SPIDR: variants seen among roughly 807,000 people sequenced by gnomAD.
SPIDR encodes the protein scaffold protein involved in DNA repair, also known as DNA repair-scaffolding protein.
A neutral mutation model predicts 104.6 loss-of-function variants in SPIDR; 93 were observed. The ratio of observed to expected loss-of-function variants is 0.89; its 90% CI spans 0.75 to 1.06. SPIDR has a LOEUF of 1.06. SPIDR is among the 50% of genes least tolerant of loss of function. The pLI is 0.00. For missense variants in SPIDR, 1,154 were observed against 1,111.2 expected (o/e 1.04, Z -0.55); for synonymous variants, 431 against 416.9 (o/e 1.03, Z -0.41).
intron 18 of SPIDR, 74 bp downstream of exon 18, chr8:47,729,121 A>G: frequency 6.4e-7 from 1 of 1,574,394 alleles, no homozygotes; most frequent in South Asian, 1.1e-5. Flanking sequence ...GAGCTGAAGC[A>G]GGTGCACGTC....
intron 8 of SPIDR, among the ~76,000 whole-genome samples, chr8:47,497,545 T>C (rs1187266539): frequency 6.6e-6 from 1 of 152,214 alleles, no homozygotes; most frequent in African/African-American, 2.4e-5. Flanking sequence ...TCAAATTTCA[T>C]TTCGCCGTGG....
chr8:47,660,742 G>GTA (rs1173028230), intron 10 of SPIDR, among the ~76,000 whole-genome samples: 1 of 152,172 alleles, frequency 6.6e-6, no homozygotes, highest in African/African-American at 2.4e-5. Context: ...ATGTGAAATG[G>GTA]TATACCCTGT....
At chr8:47,548,539 T>G (rs2089879663) in intron 8 of SPIDR, among the ~76,000 whole-genome samples, 1 of 152,118 alleles carries the variant, frequency 6.6e-6, no homozygotes, top group African/African-American at 2.4e-5. Flanking sequence ...TCCCAGCTAC[T>G]CGGGAGGCTG....
intron 17 of SPIDR, chr8:47,728,677 G>T (rs1172292319): frequency 2.9e-6 from 1 of 347,848 alleles, no homozygotes; most frequent in Non-Finnish European, 5.2e-6. Flanking sequence ...TCCCTTCCTG[G>T]GAGGCTCAGC....
Position 47,735,616 on chromosome 8 carries a change from A to G in SPIDR, c.*166A>G, listed in dbSNP as rs1173791212. 2.2e-6 allele frequency: 3 copies of G among 1,344,218 alleles called. No individual in the cohort carries two copies. The East Asian group carries it at 7.6e-5, about 34-fold the overall frequency. 83.3% of individuals were successfully genotyped at this position (1,344,218 alleles called of 1,614,324 possible). A position where few individuals can be genotyped will look rare whatever the true frequency, so the allele number is the denominator to read the frequency against. On this transcript the variant is annotated 3_prime_UTR_variant, in exon 20 of 20. Coordinates refer to ENST00000297423, the MANE Select transcript of SPIDR (RefSeq NM_001080394.4). ...GAAATGTTCAGATACAGTTTTGTGA[A>G]CTGTAAATCAAAATACCTTTTTCTA...
intron 8 of SPIDR, among the ~76,000 whole-genome samples, chr8:47,503,342 T>G (rs1240352509): frequency 6.6e-6 from 1 of 152,184 alleles, no homozygotes; most frequent in Non-Finnish European, 1.5e-5. Context: ...GCATATATAT[T>G]TAGGATAGTT....
chr8:47,314,983 G>A (rs182050579), intron 5 of SPIDR, among the ~76,000 whole-genome samples: 1 of 152,178 alleles, frequency 6.6e-6, no homozygotes, highest in Non-Finnish European at 1.5e-5. Flanking sequence ...ATAAGATGGA[G>A]TTGTTATATT....
intron 7 of SPIDR, among the ~76,000 whole-genome samples, chr8:47,423,296 CAAAAAA>C (rs34511552): frequency 7.7e-6 from 1 of 129,128 alleles, no homozygotes; most frequent in South Asian, 2.5e-4. Flanking sequence ...GACTCTGTCT[CAAAAAA>C]AAAAAAAAAA....
chr8:47,732,644 G>A (rs192252310), intron 19 of SPIDR: 1 of 159,956 alleles, frequency 6.3e-6, no homozygotes, highest in Non-Finnish European at 1.4e-5. Context: ...GTGCCAGAGG[G>A]GCCTGGGTAG....
At chr8:47,435,430 C>T (rs2068115908) in intron 7 of SPIDR, among the ~76,000 whole-genome samples, 1 of 152,034 alleles carries the variant, frequency 6.6e-6, no homozygotes, top group Non-Finnish European at 1.5e-5. Context: ...TGCAGTTATT[C>T]AGCAAATGTT....
chr8:47,677,023 C>T (rs1222497393), intron 11 of SPIDR, among the ~76,000 whole-genome samples: 1 of 152,240 alleles, frequency 6.6e-6, no homozygotes, highest in African/African-American at 2.4e-5. Flanking sequence ...GCCTGAGCTT[C>T]GGTTTAAAAA....
chr8:47,619,607 T>C (rs2154434294), intron 10 of SPIDR, among the ~76,000 whole-genome samples: 1 of 146,018 alleles, frequency 6.8e-6, no homozygotes, highest in African/African-American at 2.4e-5. Flanking sequence ...TATGCATATA[T>C]GTATATTACC....
intron 6 of SPIDR, among the ~76,000 whole-genome samples, chr8:47,397,071 C>T (rs1482375053): frequency 2.0e-5 from 3 of 152,028 alleles, no homozygotes; most frequent in Admixed American, 6.5e-5. Context: ...CAGTCAGGGG[C>T]TGGGCTGTGG....
At position 47,601,639 on chromosome 8, in the gene SPIDR, G is replaced by A. The variant is rs138588933; in HGVS notation, c.1544+2443G>A. On this transcript the variant is annotated intron_variant, in intron 10 of 19. Transcript: ENST00000297423. ...AACAGGGAGGCGGAGGTTGCAGTGA[G>A]CCAAGATCGTGCCACTGCACTCCAG... is the stretch of plus-strand genomic sequence containing the variant. Among the ~76,000 whole-genome samples, 251 of 152,308 alleles carry A rather than the reference G, an allele frequency of 1.6e-3. 1 individual carries two copies. The highest frequency in any genetic ancestry group is 5.7e-3 in the African/African-American group (237 of 41,570).
chr8:47,349,710 G>A (rs1401762472), intron 5 of SPIDR, among the ~76,000 whole-genome samples: 2 of 152,188 alleles, frequency 1.3e-5, no homozygotes, highest in African/African-American at 4.8e-5. Context: ...CTGCCACCTC[G>A]CAGTTCTATC....
chr8:47,507,048 C>G (rs1052624067), intron 8 of SPIDR, among the ~76,000 whole-genome samples: 4 of 152,164 alleles, frequency 2.6e-5, no homozygotes, highest in African/African-American at 7.2e-5. Flanking sequence ...TTTATCATGT[C>G]CACCTGGTTT....
chr8:47,620,148 A>G (rs1224609077), intron 10 of SPIDR, among the ~76,000 whole-genome samples: 1 of 152,242 alleles, frequency 6.6e-6, no homozygotes, highest in Non-Finnish European at 1.5e-5. Context: ...GGAGTAGTCA[A>G]GGAAGACATT....
At chr8:47,470,985 T>C (rs80044982) in intron 8 of SPIDR, among the ~76,000 whole-genome samples, 4 of 152,106 alleles carry the variant, frequency 2.6e-5, no homozygotes, top group African/African-American at 4.8e-5. Context: ...CCGCCCGCCT[T>C]GGCCTCCCAA....
rs1213969808 is a variant in SPIDR, at chr8:47,284,011, T to G, written c.190-17T>G. ...GCATTTGTCACATAAATTCCATGATTATTATTTTGCCTACAGTCATTAACA... is the reference window on the plus strand; with the variant it reads ...GCATTTGTCACATAAATTCCATGATGATTATTTTGCCTACAGTCATTAACA... On this transcript the variant is annotated splice_polypyrimidine_tract_variant and intron_variant, in intron 2 of 19. Transcript: ENST00000297423. 1.9e-6 allele frequency: 3 copies of G among 1,589,174 alleles called. No individual in the cohort carries two copies. The highest frequency in any genetic ancestry group is 2.7e-5 in the African/African-American group (2 of 73,724).
Sources: allele counts gnomAD v4.1 joint callset (sites outside exome capture counted in the v4.1 genomes callset), GRCh38; gene constraint gnomAD v4.1.1; transcripts MANE v1.5; gene names NCBI Gene and HGNC (gene_info 2026-07-23, HGNC 2026-07-21).